ATAD3B: variants seen among roughly 807,000 people sequenced by gnomAD.
The protein encoded by ATAD3B is ATPase family AAA domain-containing protein 3B.
Under a neutral mutation model 70.2 loss-of-function variants are expected in ATAD3B, and 59 were observed. The observed-to-expected ratio is 0.84, with a 90% CI of 0.68 to 1.04. ATAD3B has a LOEUF of 1.04. Ranked by LOEUF, ATAD3B falls within the 50% of genes least tolerant of loss-of-function variation. The pLI, the probability that ATAD3B is intolerant of heterozygous loss-of-function variation, is 0.00. For missense variants in ATAD3B, 961 were observed against 913.4 expected, an observed-to-expected ratio of 1.05 and a Z score of -0.67; for synonymous variants, 423 against 388.6, an observed-to-expected ratio of 1.09 and a Z score of -1.04.
intron 15 of ATAD3B, among the ~76,000 whole-genome samples, chr1:1,491,636 C>T (rs576278525): frequency 8.5e-5 from 13 of 152,106 alleles, no homozygotes; most frequent in South Asian, 2.1e-4. Flanking sequence ...CTCTGGGGTC[C>T]GCAGAGTCTG....
intron 15 of ATAD3B, among the ~76,000 whole-genome samples, chr1:1,493,484 C>CAGGCTGG (rs1437120001): frequency 6.6e-6 from 1 of 151,648 alleles, no homozygotes; most frequent in Non-Finnish European, 1.5e-5. Context: ...TTTTGCCGCC[C>CAGGCTGG]AGGCTGGAGT....
At position 1,478,690 on chromosome 1, in the gene ATAD3B, C is replaced by G; in HGVS notation, c.329C>G (p.Ala110Gly). 1 of 1,541,102 alleles carries G rather than the reference C, an allele frequency of 6.5e-7. No individual in the cohort carries two copies. The highest frequency in any genetic ancestry group is 8.7e-7 in the Non-Finnish European group (1 of 1,142,966). The change falls in exon 3 of 16, where the codon GCG becomes GGG. Residue 110 changes from alanine (A) to glycine (G), a missense_variant. Ala to Gly is a moderately conservative substitution (Grantham distance 60, BLOSUM62 0). This residue lies in a region of ATAD3B where 187 missense variants were observed against 244.3 expected (regional missense o/e 0.77). Coordinates refer to ENST00000673477, the MANE Select transcript of ATAD3B (RefSeq NM_031921.6). ...CAGCTCAAGAGCGAGCAGATCCGGG[C>G]GCAGGCTGAGGAGAGGAGGAAGACC... ...VEQLKSEQIR[A>G]QAEERRKTLS...
At chr1:1,481,718 T>C (rs1639912314) in intron 5 of ATAD3B, among the ~76,000 whole-genome samples, 1 of 149,260 alleles carries the variant, frequency 6.7e-6, no homozygotes, top group East Asian at 2.0e-4. Flanking sequence ...GTTCTGGTTT[T>C]TTGCTTCAAA....
At position 1,495,567 on chromosome 1, in the gene ATAD3B, G is replaced by A. The variant is rs576276666; in HGVS notation, c.1697G>A (p.Arg566Gln). ...ACVQDAVQQY[R>Q]QKMRWLKAEG... ...GTGCAAGATGCTGTCCAGCAGTACC[G>A]ACAGAAGATGCGCTGGCTGAAGGCG... The change falls in exon 16 of 16, where the codon CGA becomes CAA. Residue 566 changes from arginine to glutamine, a missense_variant. Physicochemically the swap from Arg to Gln is conservative, Grantham distance 43 (BLOSUM62 1). Transcript: ENST00000673477. 347 of 1,613,134 alleles carry A rather than the reference G, an allele frequency of 2.2e-4. 3 individuals carry two copies. The South Asian group carries it at 2.8e-3, about 13-fold the overall frequency.
chr1:1,487,894 T>C lies in ATAD3B; in HGVS notation c.1246T>C (p.Phe416Leu). 6.2e-7 allele frequency: 1 copy of C among 1,613,006 alleles called. No individual in the cohort carries two copies. Residue 416 changes from phenylalanine to leucine, a missense_variant, in exon 12 of 16, where the codon TTC becomes CTC. Around this residue, in one of 4 missense-constraint regions of ATAD3B, gnomAD observed 417 missense variants for 335.0 expected, o/e 1.24. Coordinates refer to ENST00000673477, the MANE Select transcript of ATAD3B (RefSeq NM_031921.6). ...LLLFMDEADA[F>L]LRKRATEEIS... ...GCTCTTCATGGATGAAGCAGACGCC[T>C]TCCTTCGGAAGCGAGCCACTGTGAG...
At chr1:1,494,416 T>G (rs1315652516) in intron 15 of ATAD3B, among the ~76,000 whole-genome samples, 1 of 150,892 alleles carries the variant, frequency 6.6e-6, no homozygotes, top group Non-Finnish European at 1.5e-5. Flanking sequence ...CCTGGGCCCC[T>G]GAGCCACAGT....
the ATAD3B span, among the ~76,000 whole-genome samples, chr1:1,507,626 T>A: frequency 6.6e-6 from 1 of 152,218 alleles, no homozygotes; most frequent in African/African-American, 2.4e-5. Flanking sequence ...CCAGTGATGC[T>A]CATCAAGGAT....
rs745832775 is a variant in ATAD3B at position 1,482,529 on chromosome 1, A to G, written c.681-16A>G. 5 of 1,613,154 alleles carry G rather than the reference A, an allele frequency of 3.1e-6. No individual in the cohort carries two copies. The Admixed American group carries it at 5.0e-5, about 16-fold the overall frequency. On this transcript the variant is annotated splice_polypyrimidine_tract_variant and intron_variant, in intron 6 of 15. Coordinates refer to ENST00000673477, the MANE Select transcript of ATAD3B (RefSeq NM_031921.6). ...TCTTCGTGTCCTTCCTGGTCACACC[A>G]CTGCTTTCCCCGCAGGACGGCTGGC...
intron 15 of ATAD3B, among the ~76,000 whole-genome samples, chr1:1,492,898 C>T (rs1458542693): frequency 6.7e-6 from 1 of 150,348 alleles, no homozygotes; most frequent in East Asian, 2.0e-4. Flanking sequence ...GAGATGGTGC[C>T]ACTGCACTCC....
intron 1 of ATAD3B, among the ~76,000 whole-genome samples, chr1:1,476,072 T>C (rs1419334544): frequency 7.1e-6 from 1 of 139,906 alleles, no homozygotes; most frequent in Non-Finnish European, 1.5e-5. Context: ...GCCCTTGGCT[T>C]CCCGAGTTTA....
At chr1:1,499,394 G>T (rs1463522936), downstream of ATAD3B, among the ~76,000 whole-genome samples, 1 of 142,730 alleles carries the variant, frequency 7.0e-6, no homozygotes, top group African/African-American at 2.6e-5. Flanking sequence ...GTGCCACCAC[G>T]CCCAGCTACT....
intron 15 of ATAD3B, 91 bp from the exon 16 acceptor site, chr1:1,495,394 G>T (rs1640730763): frequency 1.3e-6 from 2 of 1,489,648 alleles, no homozygotes; most frequent in East Asian, 2.3e-5. Context: ...GGTGCCCCTG[G>T]TTTGGCCCCT....
rs1000000509 is a variant in ATAD3B, at chr1:1,478,185, A to T, written c.283-459A>T. The T allele has an allele frequency of 2.0e-5, 6 of 298,188 alleles. 1 individual carries two copies. The highest frequency in any genetic ancestry group is 3.8e-5 in the Non-Finnish European group (6 of 158,132). 18.5% of individuals were successfully genotyped at this position (298,188 alleles called of 1,614,324 possible). On this transcript the variant is annotated intron_variant, in intron 2 of 15. Coordinates refer to ENST00000673477, the MANE Select transcript of ATAD3B (RefSeq NM_031921.6). The stretch of plus-strand genomic sequence containing the variant: ...CGAATTTTTGTATTTTTAGTAGAGA[A>T]GGGGGTTCAGCATGTTGTCCAGGTT...
chr1:1,505,366 G>T, the ATAD3B span, among the ~76,000 whole-genome samples: 2 of 148,262 alleles, frequency 1.3e-5, no homozygotes, highest in Non-Finnish European at 2.9e-5. Context: ...GCAAAGCCAG[G>T]TGTACAGGAT....
rs756537845 is a variant in ATAD3B, at chr1:1,482,501, G to A, written c.681-44G>A. The A allele has an allele frequency of 5.5e-5, 88 of 1,613,114 alleles. 2 individuals are homozygous for A. Among genetic ancestry groups the A allele is most frequent in the Admixed American group, 3.7e-4 (22 of 59,968 alleles). ...TCAACCTGCTCTCGCTGCGTGGTAC[G>A]GATCTTCGTGTCCTTCCTGGTCACA... On this transcript the variant is annotated intron_variant, in intron 6 of 15. Transcript: ENST00000673477.
chr1:1,477,411 T>TGGTGGGGCTGCTACTGGTG, intron 2 of ATAD3B, 61 bp downstream of exon 2: 1 of 1,607,974 alleles, frequency 6.2e-7, no homozygotes, highest in Non-Finnish European at 8.5e-7. Flanking sequence ...GCGTGGAGAT[T>TGGTGGGGCTGCTACTGGTG]GGTGGGGCTG....
intron 9 of ATAD3B, 129 bp from the exon 10 acceptor site, chr1:1,485,981 G>C (rs1328887489): frequency 1.4e-5 from 22 of 1,590,574 alleles, no homozygotes; most frequent in Non-Finnish European, 1.9e-5. Context: ...GCCGGGGATA[G>C]ATAGGCTGCC....
intron 12 of ATAD3B, among the ~76,000 whole-genome samples, chr1:1,488,674 G>C (rs1037201123): frequency 6.6e-6 from 1 of 151,848 alleles, no homozygotes; most frequent in Non-Finnish European, 1.5e-5. Context: ...CAGGAGAATC[G>C]CTTGAACCCA....
chr1:1,496,015 G>A lies in ATAD3B; in HGVS notation c.*198G>A. On this transcript the variant is annotated 3_prime_UTR_variant, in exon 16 of 16. Transcript: ENST00000673477. ...GGGGTCTTTGTTCTCGGCTCCCACA[G>A]CAGAGCCAGGTGAGGGGGGGCCTGC... 7.5e-7 allele frequency: 1 copy of A among 1,341,114 alleles called. No homozygotes were observed. The highest frequency in any genetic ancestry group is 9.5e-7 in the Non-Finnish European group (1 of 1,047,466). The allele number at this position is 1,341,114 out of a possible 1,614,324, so 83.1% of individuals were successfully genotyped here.
Sources: gnomAD v4.1 joint callset for allele counts (sites outside exome capture counted in the v4.1 genomes callset) on GRCh38, gnomAD v4.1.1 for gene constraint, gnomAD v4.1.1 regional missense constraint, MANE v1.5 for transcripts, NCBI Gene and HGNC (gene_info 2026-07-23, HGNC 2026-07-21) for gene names.